The following ECT2L variants were observed in gnomAD, a reference collection of about 807,000 sequenced individuals.
The protein encoded by ECT2L is epithelial cell transforming 2 like, also known as epithelial cell-transforming sequence 2 oncogene-like.
ECT2L carries 126 observed loss-of-function variants against 122.8 expected under a neutral mutation model. The observed-to-expected ratio is 1.03, with a 90% CI of 0.89 to 1.19. The LOEUF (loss-of-function observed/expected upper bound fraction) is 1.19. ECT2L is among the 50% of genes most tolerant of loss of function. ECT2L has a pLI of 0.00. For synonymous variants in ECT2L, 385 were observed against 381.8 expected (o/e 1.01, Z -0.10); for missense variants, 1,012 against 1,064.1 (o/e 0.95, Z 0.68).
chr6:138,902,614 G>A lies in ECT2L; in HGVS notation c.2702G>A (p.Ser901Asn), dbSNP rs1779442758. 1 of 1,613,618 alleles carries A rather than the reference G, an allele frequency of 6.2e-7. No homozygotes were observed. The highest frequency in any genetic ancestry group is 1.3e-5 in the African/African-American group (1 of 74,922). Residue 901 changes from serine to asparagine, a missense_variant, in exon 22 of 22, where the codon AGT becomes AAT. By Grantham distance (46) the Ser-to-Asn change is conservative (BLOSUM62 1). Coordinates refer to ENST00000541398, the MANE Select transcript of ECT2L (RefSeq NM_001077706.3). ...GTACTTCGAAATGCAATCAAAAGCA[G>A]TATGGAGAAGTGAGACCGAACTTGA... The part of the protein sequence containing the change: ...LSVLRNAIKS[S>N]MEK
rs1777156509 is a variant in ECT2L at position 138,844,567 on chromosome 6, A to C, written c.751A>C (p.Thr251Pro). The C allele has an allele frequency of 6.2e-7, 1 of 1,613,942 alleles. No individual in the cohort carries two copies. The highest frequency in any genetic ancestry group is 1.3e-5 in the African/African-American group (1 of 74,900). The change falls in exon 7 of 22, where the codon ACC (threonine) becomes CCC (proline). Residue 251 changes from threonine (T) to proline (P), a missense_variant. Transcript: ENST00000541398. The stretch of plus-strand genomic sequence containing the variant: ...ACAGCTTGTTTTGACATCGTTAGAA[A>C]CCTTGCCCAAGCGGTAAGCAAAATT... ...EKQLVLTSLE[T>P]LPKRSNISGS...
chr6:138,837,600 A>C (rs1355352491), intron 4 of ECT2L, among the ~76,000 whole-genome samples: 1 of 151,346 alleles, frequency 6.6e-6, no homozygotes, highest in Non-Finnish European at 1.5e-5. Flanking sequence ...ACAGGCAGCC[A>C]CTTAAAAGGA....
chr6:138,879,288 T>A, intron 14 of ECT2L: 1 of 189,438 alleles, frequency 5.3e-6, no homozygotes, highest in Non-Finnish European at 1.1e-5. Context: ...TATGAGCAGT[T>A]CTGACCCTTC....
intron 4 of ECT2L, among the ~76,000 whole-genome samples, chr6:138,818,576 G>A (rs894047055): frequency 3.3e-5 from 5 of 152,266 alleles, no homozygotes; most frequent in Admixed American, 2.6e-4. Flanking sequence ...AGAAAACATC[G>A]AATGAAACTT....
rs199503313 is a variant in ECT2L at position 138,802,023 on chromosome 6, G to C, written c.-244+5831G>C. Among the ~76,000 whole-genome samples the C allele has an allele frequency of 5.9e-5, 9 of 152,266 alleles. No homozygotes were observed. In the East Asian group the frequency reaches 1.7e-3, roughly 29 times the overall value. On this transcript the variant is annotated intron_variant, in intron 1 of 21. Coordinates refer to ENST00000541398, the MANE Select transcript of ECT2L (RefSeq NM_001077706.3). Reference sequence around the variant, plus strand: ...TGTCACTTGTCACTTCTGAGGTTACGCCACACAAGGGCTCCGGCTTCCATC... The same window carrying C: ...TGTCACTTGTCACTTCTGAGGTTACCCCACACAAGGGCTCCGGCTTCCATC...
rs1583558704 is a variant in ECT2L at position 138,823,595 on chromosome 6, C to T, written c.179+8992C>T. 7 of 1,420,748 alleles carry T rather than the reference C, an allele frequency of 4.9e-6. 1 individual carries two copies. The highest frequency in any genetic ancestry group is 4.7e-5 in the South Asian group (4 of 84,274). The allele number at this position is 1,420,748 out of a possible 1,614,324, so 88.0% of individuals were successfully genotyped here. ...GCAACATGAGCAAACGCATGGACATCGCCATCCAAGTCACAGAAAGCATTG... is the reference window on the plus strand; with the variant it reads ...GCAACATGAGCAAACGCATGGACATTGCCATCCAAGTCACAGAAAGCATTG... On this transcript the variant is annotated intron_variant, in intron 4 of 21. Coordinates refer to ENST00000541398, the MANE Select transcript of ECT2L (RefSeq NM_001077706.3).
intron 4 of ECT2L, among the ~76,000 whole-genome samples, chr6:138,833,875 C>G (rs2128385083): frequency 6.6e-6 from 1 of 152,082 alleles, no homozygotes; most frequent in South Asian, 2.1e-4. Context: ...CACCCAGACC[C>G]TGACCAAGCC....
At position 138,902,631 on chromosome 6, in the gene ECT2L, C is replaced by A; in HGVS notation, c.*4C>A. On this transcript the variant is annotated 3_prime_UTR_variant, in exon 22 of 22. Coordinates refer to ENST00000541398, the MANE Select transcript of ECT2L (RefSeq NM_001077706.3). ...CAAAAGCAGTATGGAGAAGTGAGAC[C>A]GAACTTGAAAACTTCAGGGGTGCCA... is the stretch of plus-strand genomic sequence containing the variant. 6.2e-7 allele frequency: 1 copy of A among 1,612,960 alleles called. No homozygotes were observed. The highest frequency in any genetic ancestry group is 1.1e-5 in the South Asian group (1 of 90,828).
chr6:138,869,546 T>C (rs1479551614), intron 13 of ECT2L, among the ~76,000 whole-genome samples: 1 of 152,218 alleles, frequency 6.6e-6, no homozygotes, highest in Non-Finnish European at 1.5e-5. Flanking sequence ...GGCAGCCCAA[T>C]GACGAAAGGC....
chr6:138,804,974 C>A (rs1472909075), intron 1 of ECT2L, among the ~76,000 whole-genome samples: 3 of 152,192 alleles, frequency 2.0e-5, no homozygotes, highest in Admixed American at 2.0e-4. Context: ...AGAATAACCT[C>A]TTGTGTCCCC....
chr6:138,838,621 G>A (rs942487352), intron 5 of ECT2L, 107 bp downstream of exon 5: 2 of 1,127,322 alleles, frequency 1.8e-6, no homozygotes, highest in African/African-American at 3.2e-5. Context: ...GAGGGTACCT[G>A]ATCCATCATT....
chr6:138,850,302 G>A (rs1307060644), intron 9 of ECT2L, among the ~76,000 whole-genome samples: 1 of 152,062 alleles, frequency 6.6e-6, no homozygotes, highest in Non-Finnish European at 1.5e-5. Flanking sequence ...CCACCACCAT[G>A]CCTGGCTAAT....
intron 4 of ECT2L, among the ~76,000 whole-genome samples, chr6:138,821,456 AC>A (rs1193447759): frequency 1.3e-5 from 2 of 152,060 alleles, no homozygotes; most frequent in Non-Finnish European, 2.9e-5. Context: ...AAAAAAAAAA[AC>A]ATTTGTTTGG....
chr6:138,873,729 G>A (rs986872157), intron 13 of ECT2L, among the ~76,000 whole-genome samples: 2 of 152,188 alleles, frequency 1.3e-5, no homozygotes, highest in African/African-American at 2.4e-5. Context: ...GGGAGGCAGA[G>A]GTTGCAGTGA....
At chr6:138,860,145 C>T (rs955466132) in intron 10 of ECT2L, among the ~76,000 whole-genome samples, 13 of 152,026 alleles carry the variant, frequency 8.6e-5, no homozygotes, top group African/African-American at 2.9e-4. Flanking sequence ...TTCTGAGTTT[C>T]GATGACATCA....
chr6:138,831,576 C>A (rs1355835520), intron 4 of ECT2L, among the ~76,000 whole-genome samples: 1 of 152,222 alleles, frequency 6.6e-6, no homozygotes, highest in Admixed American at 6.6e-5. Context: ...ACCCACTTAG[C>A]TCCCGCAGGG....
chr6:138,888,862 C>A, intron 19 of ECT2L, 81 bp from the exon 20 acceptor site: 1 of 498,634 alleles, frequency 2.0e-6, no homozygotes, highest in Non-Finnish European at 3.3e-6. Context: ...TTTGCATATT[C>A]TGAGATATAA....
At chr6:138,846,499 G>A (rs1411160147) in intron 7 of ECT2L, 40 bp from the exon 8 acceptor site, 1 of 1,541,324 alleles carries the variant, frequency 6.5e-7, no homozygotes, top group South Asian at 1.3e-5. Flanking sequence ...CTCAAGGTAA[G>A]AGAAAATGAA....
At chr6:138,855,823 A>G (rs1334335523) in intron 10 of ECT2L, among the ~76,000 whole-genome samples, 1 of 152,214 alleles carries the variant, frequency 6.6e-6, no homozygotes, top group Non-Finnish European at 1.5e-5. Context: ...TAATGAACTA[A>G]TATTACTTTT....
Sources: gnomAD v4.1 joint callset for allele counts (sites outside exome capture counted in the v4.1 genomes callset) on GRCh38, gnomAD v4.1.1 for gene constraint, MANE v1.5 for transcripts, NCBI Gene and HGNC (gene_info 2026-07-23, HGNC 2026-07-21) for gene names.